Variants in ZNF676 observed in about 807,000 individuals in gnomAD.
ZNF676 encodes zinc finger protein 676.
In ZNF676, 4 loss-of-function variants were observed where a neutral mutation model predicts 6.0. The ratio of observed to expected loss-of-function variants is 0.67; its 90% CI spans 0.33 to 1.53. The LOEUF (loss-of-function observed/expected upper bound fraction) is 1.53, where lower values mean the gene tolerates loss of function less well. ZNF676 is among the 40% of genes most tolerant of loss of function. The pLI is 0.06. For synonymous variants in ZNF676, 198 were observed against 223.1 expected (o/e 0.89, Z 1.00); for missense variants, 644 against 679.7 (o/e 0.95, Z 0.58).
At chr19:22,221,180 GT>G in the ZNF676 span, among the ~76,000 whole-genome samples, 1 of 151,548 alleles carries the variant, frequency 6.6e-6, no homozygotes, top group Admixed American at 6.6e-5. Flanking sequence ...GTTTATTGTG[GT>G]TTTTTGAACT....
intron 1 of ZNF676, among the ~76,000 whole-genome samples, chr19:22,212,889 G>C (rs1367104726): frequency 3.3e-5 from 5 of 151,844 alleles, no homozygotes; most frequent in African/African-American, 1.2e-4. Context: ...CAGCTACTTG[G>C]GAGGCTGCGG....
intron 2 of ZNF676, among the ~76,000 whole-genome samples, chr19:22,191,666 A>C (rs1568529251): frequency 1.3e-5 from 2 of 152,142 alleles, no homozygotes; most frequent in Non-Finnish European, 2.9e-5. Context: ...CGTCTACCCT[A>C]CTGAGCAACG....
In ZNF676 at chr19:22,211,290, C is replaced by T. The variant is rs549748449; in HGVS notation, c.3+4342G>A. 3.4e-3 allele frequency among the ~76,000 whole-genome samples: 520 copies of T among 152,124 alleles called. 8 individuals carry two copies. The highest frequency in any genetic ancestry group is 1.2e-3 in the South Asian group (6 of 4,810). On this transcript the variant is annotated intron_variant, in intron 1 of 3. Coordinates refer to the ZNF676 transcript ENST00000650058. ...ACTATAGAGGCTTCTTCCATGGCTG[C>T]GGTAAGCAGGCTGGGACATCTGCAG...
chr19:22,201,368 A>C (rs1397876843), upstream of ZNF676, among the ~76,000 whole-genome samples: 4 of 152,198 alleles, frequency 2.6e-5, no homozygotes, highest in Non-Finnish European at 1.5e-5. Flanking sequence ...GTCTATGTTG[A>C]TATCTCACAA....
chr19:22,214,924 G>A (rs2024167236), intron 1 of ZNF676, among the ~76,000 whole-genome samples: 1 of 147,142 alleles, frequency 6.8e-6, no homozygotes, highest in Admixed American at 6.8e-5. Flanking sequence ...ACCTGCAGTC[G>A]CAGCTACTCG....
At chr19:22,189,003 C>A (rs1203192744) in intron 2 of ZNF676, among the ~76,000 whole-genome samples, 1 of 145,378 alleles carries the variant, frequency 6.9e-6, no homozygotes, top group Non-Finnish European at 1.5e-5. Flanking sequence ...GAAAAAACTA[C>A]TTTAAATTTC....
chr19:22,196,050 A>T (rs988846204), intron 1 of ZNF676, among the ~76,000 whole-genome samples: 8 of 152,172 alleles, frequency 5.3e-5, no homozygotes, highest in African/African-American at 1.7e-4. Flanking sequence ...CGACGGACCA[A>T]TCACAAAATG....
At chr19:22,213,514 TC>T (rs763664943) in intron 1 of ZNF676, among the ~76,000 whole-genome samples, 7 of 152,150 alleles carry the variant, frequency 4.6e-5, no homozygotes, top group Non-Finnish European at 8.8e-5. Flanking sequence ...TCACCTGCTC[TC>T]CTGAAAGGCT....
chr19:22,213,433 T>C (rs918261734), intron 1 of ZNF676, among the ~76,000 whole-genome samples: 1 of 152,168 alleles, frequency 6.6e-6, no homozygotes. Context: ...GTAAAGACAA[T>C]ACTAATACCT....
chr19:22,246,948 T>G, the ZNF676 span, among the ~76,000 whole-genome samples: 1 of 152,246 alleles, frequency 6.6e-6, no homozygotes, highest in Non-Finnish European at 1.5e-5. Context: ...TTTACTTCTC[T>G]AATAAACTTG....
the ZNF676 span, among the ~76,000 whole-genome samples, chr19:22,249,820 C>T: frequency 1.3e-5 from 2 of 151,122 alleles, no homozygotes; most frequent in Non-Finnish European, 1.5e-5. Context: ...AGTTATTAAA[C>T]GTTTATGAAA....
chr19:22,205,109 G>A (rs1163263869), intron 1 of ZNF676, among the ~76,000 whole-genome samples: 1 of 152,006 alleles, frequency 6.6e-6, no homozygotes, highest in Non-Finnish European at 1.5e-5. Context: ...GGGGGGAAAA[G>A]CAGAAGAGAG....
chr19:22,186,252 A>C (rs2023838153), intron 2 of ZNF676, among the ~76,000 whole-genome samples: 1 of 152,224 alleles, frequency 6.6e-6, no homozygotes, highest in South Asian at 2.1e-4. Flanking sequence ...AGGAATTTTC[A>C]ACCCAGAATT....
chr19:22,241,625 ATCAATCAAGGGCT>A, the ZNF676 span, among the ~76,000 whole-genome samples: 5 of 151,550 alleles, frequency 3.3e-5, no homozygotes, highest in South Asian at 8.3e-4. Context: ...CGGTCTCTCT[ATCAATCAAGGGCT>A]TTTTATGTTA....
At chr19:22,225,062 A>G in the ZNF676 span, among the ~76,000 whole-genome samples, 72 of 152,098 alleles carry the variant, frequency 4.7e-4, no homozygotes, top group Non-Finnish European at 9.6e-4. Flanking sequence ...AGGCTTCTAG[A>G]GGTTTTACAT....
chr19:22,179,385 T>C lies in ZNF676; in HGVS notation c.*565A>G, dbSNP rs963440104. The C allele has an allele frequency of 3.0e-5, 8 of 267,244 alleles. No individual in the cohort carries two copies. Among genetic ancestry groups the C allele is most frequent in the African/African-American group, 1.4e-4 (6 of 44,368 alleles). The allele number at this position is 267,244 out of a possible 1,614,324, so 16.6% of individuals were successfully genotyped here. On this transcript the variant is annotated 3_prime_UTR_variant, in exon 3 of 3. Coordinates refer to ENST00000397121, the MANE Select transcript of ZNF676 (RefSeq NM_001001411.3). The stretch of plus-strand genomic sequence containing the variant: ...ATGCATGGTTTCTCTCCAGTATGAG[T>C]TGTCTTATATGTAGTAAGCCTTAAG...
chr19:22,244,323 T>TA, the ZNF676 span: 5 of 152,316 alleles, frequency 3.3e-5, no homozygotes, highest in Admixed American at 2.0e-4. Context: ...ATTACAGGCA[T>TA]GAGCCACACT....
rs71180523 is a variant in ZNF676 at position 22,206,056 on chromosome 19, AACACACACACACAC to A, written c.4-9344_4-9331del. On this transcript the variant is annotated intron_variant, in intron 1 of 3. Coordinates refer to the ZNF676 transcript ENST00000650058. ...GAACAAATACATCCTCCCAAAACTC[AACACACACACACAC>A]ACACACACACACACACACACAAAAT... Among the ~76,000 whole-genome samples, 9 of 146,670 alleles carry A rather than the reference AACACACACACACAC, an allele frequency of 6.1e-5. No homozygotes were observed. The East Asian group carries it at 1.2e-3, about 20-fold the overall frequency.
At chr19:22,249,677 GT>G in the ZNF676 span, among the ~76,000 whole-genome samples, 1 of 151,860 alleles carries the variant, frequency 6.6e-6, no homozygotes, top group Non-Finnish European at 1.5e-5. Flanking sequence ...CTCCCAAAGT[GT>G]TGGGATTACA....
Sources: allele counts gnomAD v4.1 joint callset (sites outside exome capture counted in the v4.1 genomes callset), GRCh38; gene constraint gnomAD v4.1.1; transcripts MANE v1.5; gene names NCBI Gene and HGNC (gene_info 2026-07-23, HGNC 2026-07-21).